Variants in CDYL2 observed in about 807,000 individuals in gnomAD.
CDYL2 encodes the protein chromodomain Y-like protein 2.
In CDYL2, 23 loss-of-function variants were observed where a neutral mutation model predicts 49.4. The ratio of observed to expected loss-of-function variants is 0.47; its 90% confidence interval spans 0.34 to 0.66. The LOEUF is 0.66. CDYL2 is among the 30% of genes least tolerant of loss of function. The pLI is 0.01. For missense variants in CDYL2, 678 were observed against 656.4 expected, an observed-to-expected ratio of 1.03 and a Z score of -0.36; for synonymous variants, 360 against 268.8, an observed-to-expected ratio of 1.34 and a Z score of -3.32.
chr16:80,657,914 A>G (rs1034100747), intron 2 of CDYL2, among the ~76,000 whole-genome samples: 2 of 152,186 alleles, frequency 1.3e-5, no homozygotes, highest in African/African-American at 2.4e-5. Flanking sequence ...GCAAGCATAG[A>G]CTGGTGAAAT....
chr16:80,709,930 T>C lies in CDYL2; in HGVS notation c.25-24801A>G, dbSNP rs565336503. Reference sequence around the variant, plus strand: ...TACATGATTATGGACAGCAGGCTGATTTTTTTTTTTTTTTTAACATGGAGT... The same window carrying C: ...TACATGATTATGGACAGCAGGCTGACTTTTTTTTTTTTTTTAACATGGAGT... On this transcript the variant is annotated intron_variant, in intron 1 of 6. Coordinates refer to ENST00000570137, the MANE Select transcript of CDYL2 (RefSeq NM_152342.4). Among the ~76,000 whole-genome samples the C allele has an allele frequency of 9.7e-5, 10 of 103,308 alleles. No homozygotes were observed. In the East Asian group the frequency reaches 2.8e-3, roughly 29 times the overall value. The allele number at this position is 103,308 out of a possible 152,430, so 67.8% of individuals were successfully genotyped here.
At chr16:80,751,878 T>C (rs1242854618) in intron 1 of CDYL2, among the ~76,000 whole-genome samples, 1 of 152,176 alleles carries the variant, frequency 6.6e-6, no homozygotes, top group Non-Finnish European at 1.5e-5. Context: ...GCCTCTTCTT[T>C]GCCTACTGGA....
At chr16:80,613,044 G>C (rs960097525) in intron 4 of CDYL2, among the ~76,000 whole-genome samples, 1 of 152,084 alleles carries the variant, frequency 6.6e-6, no homozygotes, top group Non-Finnish European at 1.5e-5. Flanking sequence ...GTCCTGGTTT[G>C]CTCAGATTGC....
chr16:80,784,043 T>C (rs1339409253), intron 1 of CDYL2, among the ~76,000 whole-genome samples: 3 of 152,218 alleles, frequency 2.0e-5, no homozygotes, highest in African/African-American at 7.2e-5. Flanking sequence ...GAAAATACTA[T>C]GTTATACTGT....
intron 1 of CDYL2, among the ~76,000 whole-genome samples, chr16:80,739,288 G>A (rs1249409931): frequency 1.3e-5 from 2 of 152,194 alleles, no homozygotes; most frequent in Non-Finnish European, 2.9e-5. Context: ...TGGGGACAGA[G>A]ATTCAGTTTT....
chr16:80,608,334 A>G, intron 5 of CDYL2, 99 bp from the exon 6 acceptor site: 2 of 1,322,590 alleles, frequency 1.5e-6, no homozygotes, highest in Non-Finnish European at 2.0e-6. Context: ...CCAGTTCTGG[A>G]AGGCATCTTG....
Position 80,712,191 on chromosome 16 carries a change from G to GTGTATATATATATATA in CDYL2, c.25-27063_25-27062insTATATATATATATACA, listed in dbSNP as rs1555532109. ...TATATGTGTCTTTGTGTCTGTGTGT[G>GTGTATATATATATATA]TATATATATATATATATATATATAT... On this transcript the variant is annotated intron_variant, in intron 1 of 6. Transcript: ENST00000570137. Among the ~76,000 whole-genome samples the GTGTATATATATATATA allele has an allele frequency of 1.3e-4, 14 of 107,928 alleles. No homozygotes were observed. The East Asian group carries it at 2.5e-3, about 19-fold the overall frequency. The allele number at this position is 107,928 out of a possible 152,430, so 70.8% of individuals were successfully genotyped here.
chr16:80,792,142 T>C (rs1391441748), intron 1 of CDYL2, among the ~76,000 whole-genome samples: 3 of 152,146 alleles, frequency 2.0e-5, no homozygotes, highest in East Asian at 3.9e-4. Context: ...CTTCAACTTT[T>C]GATATTTTGA....
intron 1 of CDYL2, among the ~76,000 whole-genome samples, chr16:80,726,713 T>C (rs1302804608): frequency 1.3e-5 from 2 of 151,988 alleles, no homozygotes; most frequent in African/African-American, 2.4e-5. Context: ...AAACATGGAA[T>C]ATACAAAATG....
chr16:80,677,446 AAGG>A (rs1909797776), intron 2 of CDYL2, among the ~76,000 whole-genome samples: 1 of 152,120 alleles, frequency 6.6e-6, no homozygotes, highest in Non-Finnish European at 1.5e-5. Context: ...ATCAATAAAC[AAGG>A]AGGTGTCGGC....
At chr16:80,634,811 T>C (rs982538584) in intron 2 of CDYL2, among the ~76,000 whole-genome samples, 23 of 151,906 alleles carry the variant, frequency 1.5e-4, no homozygotes, top group African/African-American at 5.3e-4. Context: ...AAAAAAGAAA[T>C]TGAAGGAATT....
intron 2 of CDYL2, among the ~76,000 whole-genome samples, chr16:80,663,589 T>C (rs1274012858): frequency 6.6e-6 from 1 of 151,754 alleles, no homozygotes; most frequent in Non-Finnish European, 1.5e-5. Flanking sequence ...CTGTCAGATG[T>C]CTAAATTTTT....
intron 4 of CDYL2, among the ~76,000 whole-genome samples, chr16:80,614,090 G>A (rs1410916583): frequency 2.6e-5 from 4 of 152,170 alleles, no homozygotes; most frequent in African/African-American, 9.7e-5. Flanking sequence ...GGCACCGCTT[G>A]GCTTCCATCA....
intron 1 of CDYL2, among the ~76,000 whole-genome samples, chr16:80,759,122 A>ATATATATGGTT (rs1555535901): frequency 2.3e-5 from 3 of 127,850 alleles, no homozygotes; most frequent in African/African-American, 1.0e-4. Flanking sequence ...ATATATATAT[A>ATATATATGGTT]TATATATATA....
chr16:80,647,598 C>T (rs566062785), intron 2 of CDYL2, among the ~76,000 whole-genome samples: 7 of 152,122 alleles, frequency 4.6e-5, no homozygotes, highest in Non-Finnish European at 8.8e-5. Flanking sequence ...GAGCTGTAGA[C>T]TTGAAGACTC....
intron 2 of CDYL2, among the ~76,000 whole-genome samples, chr16:80,652,077 A>T (rs117057331): frequency 1.3e-5 from 2 of 152,210 alleles, no homozygotes; most frequent in Non-Finnish European, 2.9e-5. Context: ...TAGTATACCC[A>T]TGTGTATTGC....
chr16:80,636,639 A>G (rs1460983328), intron 2 of CDYL2, among the ~76,000 whole-genome samples: 3 of 152,230 alleles, frequency 2.0e-5, no homozygotes, highest in Non-Finnish European at 4.4e-5. Flanking sequence ...TGTGGAAGAC[A>G]GTGTGGCGAT....
At chr16:80,745,592 G>A (rs1195457824) in intron 1 of CDYL2, among the ~76,000 whole-genome samples, 1 of 152,296 alleles carries the variant, frequency 6.6e-6, no homozygotes, top group East Asian at 1.9e-4. Flanking sequence ...GCTGTGTACT[G>A]TAGGAACACA....
chr16:80,675,454 T>C (rs1013915765), intron 2 of CDYL2, among the ~76,000 whole-genome samples: 1 of 152,162 alleles, frequency 6.6e-6, no homozygotes, highest in African/African-American at 2.4e-5. Context: ...TTACCTGCAG[T>C]AAGACCTCAA....
Sources: gnomAD v4.1 joint callset for allele counts (sites outside exome capture counted in the v4.1 genomes callset) on GRCh38, gnomAD v4.1.1 for gene constraint, MANE v1.5 for transcripts, NCBI Gene and HGNC (gene_info 2026-07-23, HGNC 2026-07-21) for gene names.